The following SLIT3 variants were observed in gnomAD, a reference collection of about 807,000 sequenced individuals.
SLIT3 encodes slit homolog 3 protein.
In SLIT3, 68 loss-of-function variants were observed where a neutral mutation model predicts 184.0. The ratio of observed to expected loss-of-function variants is 0.37; its 90% confidence interval spans 0.30 to 0.45. SLIT3 has a LOEUF of 0.45. SLIT3 is among the 20% of genes least tolerant of loss of function. SLIT3 has a pLI of 1.00. For missense variants in SLIT3, 1,707 were observed against 2,026.0 expected (o/e 0.84, Z 3.02); for synonymous variants, 831 against 828.6 (o/e 1.00, Z -0.05).
chr5:168,930,175 G>T (rs569069729), intron 4 of SLIT3, among the ~76,000 whole-genome samples: 2 of 152,298 alleles, frequency 1.3e-5, no homozygotes, highest in Middle Eastern at 3.4e-3. Flanking sequence ...GGGAATTTAA[G>T]TGTCTTCAAG....
intron 4 of SLIT3, among the ~76,000 whole-genome samples, chr5:168,885,411 G>C (rs1330269280): frequency 1.3e-5 from 2 of 152,230 alleles, no homozygotes; most frequent in African/African-American, 2.4e-5. Flanking sequence ...CAAAGCCCAC[G>C]ATGACAGCAG....
chr5:169,144,192 C>G (rs963589809), intron 4 of SLIT3, among the ~76,000 whole-genome samples: 3 of 152,184 alleles, frequency 2.0e-5, no homozygotes, highest in African/African-American at 7.2e-5. Flanking sequence ...CTTTATTTTC[C>G]ATTCTTTGAA....
Position 168,963,494 on chromosome 5 carries a change from T to C in SLIT3, c.414-80158A>G, listed in dbSNP as rs147444784. ...ACCTCATGCTCATTTCTTTACAGAG[T>C]GTCTATGGCTGCTTTCACCACACAA... On this transcript the variant is annotated intron_variant, in intron 4 of 35. Transcript: ENST00000519560. Among the ~76,000 whole-genome samples, 1,124 of 152,248 alleles carry C rather than the reference T, an allele frequency of 7.4e-3. 16 individuals carry two copies. Among genetic ancestry groups the C allele is most frequent in the African/African-American group, 0.026 (1,068 of 41,562 alleles).
At chr5:168,980,266 T>G (rs1312900670) in intron 4 of SLIT3, among the ~76,000 whole-genome samples, 3 of 152,068 alleles carry the variant, frequency 2.0e-5, no homozygotes, top group African/African-American at 7.2e-5. Context: ...GTGCCCGGGT[T>G]CTGAGATGCG....
At chr5:169,198,459 C>G (rs1378784205) in intron 3 of SLIT3, among the ~76,000 whole-genome samples, 2 of 152,200 alleles carry the variant, frequency 1.3e-5, no homozygotes, top group African/African-American at 4.8e-5. Flanking sequence ...CAGGCTTGCA[C>G]TGCTAGAACA....
At chr5:168,682,571 C>T (rs1020742387) in intron 32 of SLIT3, among the ~76,000 whole-genome samples, 1 of 152,158 alleles carries the variant, frequency 6.6e-6, no homozygotes, top group Non-Finnish European at 1.5e-5. Flanking sequence ...TGGTTTTAAC[C>T]AATGGCTTTC....
At chr5:169,041,785 T>G (rs1757456446) in intron 4 of SLIT3, among the ~76,000 whole-genome samples, 1 of 152,174 alleles carries the variant, frequency 6.6e-6, no homozygotes, top group South Asian at 2.1e-4. Context: ...ATAAAGCAGC[T>G]GAGTTTACTC....
At position 169,293,955 on chromosome 5, in the gene SLIT3, T is replaced by C. The variant is rs552865730; in HGVS notation, c.197+6558A>G. Among the ~76,000 whole-genome samples, 73 of 152,234 alleles carry C rather than the reference T, an allele frequency of 4.8e-4. 1 individual carries two copies. Among genetic ancestry groups the C allele is most frequent in the African/African-American group, 1.8e-3 (73 of 41,546 alleles). ...GAGCATCCAACCTTGGCAAGGCTGATTTGAATTCAAGGATGGAGAACAATG... is the reference window on the plus strand; with the variant it reads ...GAGCATCCAACCTTGGCAAGGCTGACTTGAATTCAAGGATGGAGAACAATG... On this transcript the variant is annotated intron_variant, in intron 1 of 35. Transcript: ENST00000519560.
intron 10 of SLIT3, chr5:168,790,946 G>T (rs980467016): frequency 2.0e-5 from 3 of 152,226 alleles, no homozygotes; most frequent in African/African-American, 7.2e-5. Context: ...TATTTCACAG[G>T]TTAAGGCTCT....
intron 4 of SLIT3, among the ~76,000 whole-genome samples, chr5:169,110,713 A>C (rs761828219): frequency 6.6e-6 from 1 of 152,154 alleles, no homozygotes; most frequent in Non-Finnish European, 1.5e-5. Flanking sequence ...GACACAATTC[A>C]ATGCATAACA....
At chr5:169,232,269 G>C (rs1269704736) in intron 3 of SLIT3, among the ~76,000 whole-genome samples, 1 of 152,180 alleles carries the variant, frequency 6.6e-6, no homozygotes. Context: ...CTGTTGCCCA[G>C]ACTAGGGTGC....
chr5:168,822,255 A>G lies in SLIT3; in HGVS notation c.629+1005T>C, dbSNP rs573415762. 2.0e-5 allele frequency among the ~76,000 whole-genome samples: 3 copies of G among 152,326 alleles called. No homozygotes were observed. The South Asian group carries it at 6.2e-4, about 32-fold the overall frequency. The stretch of plus-strand genomic sequence containing the variant: ...ATTTCTGATCGTGTGATAATAATGT[A>G]ACAATCAATATCATTTATTGTCTAC... On this transcript the variant is annotated intron_variant, in intron 7 of 35. Coordinates refer to ENST00000519560, the MANE Select transcript of SLIT3 (RefSeq NM_003062.4).
At chr5:168,741,306 T>TA (rs1174623298) in intron 20 of SLIT3, among the ~76,000 whole-genome samples, 5 of 151,374 alleles carry the variant, frequency 3.3e-5, no homozygotes, top group Admixed American at 1.3e-4. Context: ...CCGTCTCTAC[T>TA]AAAAAATACA....
At chr5:169,030,831 T>C (rs1757001372) in intron 4 of SLIT3, among the ~76,000 whole-genome samples, 1 of 152,224 alleles carries the variant, frequency 6.6e-6, no homozygotes, top group South Asian at 2.1e-4. Context: ...AAGCAACTTA[T>C]TGGCTCGGAA....
At chr5:168,686,766 C>A (rs924075704) in intron 30 of SLIT3, among the ~76,000 whole-genome samples, 6 of 152,244 alleles carry the variant, frequency 3.9e-5, no homozygotes, top group African/African-American at 1.4e-4. Flanking sequence ...AGCTCTTCTC[C>A]CATCTACAAT....
chr5:169,139,152 G>A (rs1002980827), intron 4 of SLIT3, among the ~76,000 whole-genome samples: 24 of 152,158 alleles, frequency 1.6e-4, no homozygotes, highest in Non-Finnish European at 2.9e-5. Context: ...CCAGCCTTGG[G>A]GGTAAGATTG....
chr5:168,696,407 C>T lies in SLIT3; in HGVS notation c.2967G>A (p.Glu989=). ...CTGGGTTGATCTCACACCGCTGCCC[C>T]TCAAAGCCCAGAGGGCAGGAGCAGC... ...GFSCSCPLGF[E]GQRCEINPDD... Residue 989 remains glutamate, a synonymous_variant, in exon 28 of 36, where the codon GAG becomes GAA. Transcript: ENST00000519560. The T allele has an allele frequency of 6.2e-7, 1 of 1,614,108 alleles. No homozygotes were observed. The highest frequency in any genetic ancestry group is 8.5e-7 in the Non-Finnish European group (1 of 1,180,030).
chr5:169,074,865 C>T (rs961552914), intron 4 of SLIT3, among the ~76,000 whole-genome samples: 20 of 152,134 alleles, frequency 1.3e-4, no homozygotes, highest in African/African-American at 4.6e-4. Context: ...TCCTGTGGCT[C>T]CAGAGCCACC....
intron 4 of SLIT3, among the ~76,000 whole-genome samples, chr5:169,159,785 C>A (rs1410390239): frequency 2.6e-5 from 4 of 151,900 alleles, no homozygotes; most frequent in Non-Finnish European, 5.9e-5. Flanking sequence ...CTTAAACAAA[C>A]AAACAAAAAA....
Sources: gnomAD v4.1 joint callset for allele counts (sites outside exome capture counted in the v4.1 genomes callset) on GRCh38, gnomAD v4.1.1 for gene constraint, MANE v1.5 for transcripts, NCBI Gene and HGNC (gene_info 2026-07-23, HGNC 2026-07-21) for gene names.